The following DOCK3 variants were observed in gnomAD, a reference collection of about 807,000 sequenced individuals.
The protein encoded by DOCK3 is dedicator of cytokinesis protein 3.
Under a neutral mutation model 265.6 loss-of-function variants are expected in DOCK3, and 60 were observed. The observed-to-expected ratio is 0.23, with a 90% CI of 0.18 to 0.28. The LOEUF (loss-of-function observed/expected upper bound fraction) is 0.28. Ranked by LOEUF, DOCK3 falls within the 10% of genes least tolerant of loss-of-function variation. The pLI, the probability that DOCK3 is intolerant of heterozygous loss-of-function variation, is 1.00. For synonymous variants in DOCK3, 881 were observed against 938.0 expected (o/e 0.94, Z 1.11); for missense variants, 1,981 against 2,594.3 (o/e 0.76, Z 5.14).
At chr3:50,681,167 G>A (rs1018953533) in intron 1 of DOCK3, among the ~76,000 whole-genome samples, 5 of 152,210 alleles carry the variant, frequency 3.3e-5, no homozygotes, top group Middle Eastern at 3.4e-3. Flanking sequence ...GTTTTATCAT[G>A]CAGTATTAGA....
intron 4 of DOCK3, among the ~76,000 whole-genome samples, chr3:50,913,770 T>G (rs1412087434): frequency 6.6e-6 from 1 of 152,070 alleles, no homozygotes; most frequent in Non-Finnish European, 1.5e-5. Flanking sequence ...GCAAGTTCCC[T>G]CTCTTCAGTG....
At chr3:50,946,309 A>G (rs2076426295) in intron 5 of DOCK3, among the ~76,000 whole-genome samples, 1 of 152,102 alleles carries the variant, frequency 6.6e-6, no homozygotes, top group South Asian at 2.1e-4. Flanking sequence ...TCAACTTTTT[A>G]ATCTTTGGAA....
intron 5 of DOCK3, among the ~76,000 whole-genome samples, chr3:50,958,927 T>C (rs2076806420): frequency 1.3e-5 from 2 of 152,222 alleles, no homozygotes; most frequent in Admixed American, 6.5e-5. Context: ...GCAATTTACC[T>C]ACCCATAAAA....
chr3:50,894,365 C>G (rs1449270328), intron 4 of DOCK3, among the ~76,000 whole-genome samples: 1 of 152,038 alleles, frequency 6.6e-6, no homozygotes, highest in Non-Finnish European at 1.5e-5. Context: ...CAGTACCCAG[C>G]AAAACTGTCC....
At chr3:50,765,525 C>T (rs552221025) in intron 1 of DOCK3, among the ~76,000 whole-genome samples, 3 of 152,122 alleles carry the variant, frequency 2.0e-5, no homozygotes, top group South Asian at 4.2e-4. Context: ...AGGGAGAAAG[C>T]TCTACTCTCT....
chr3:51,150,303 A>AT (rs781121333), intron 10 of DOCK3, among the ~76,000 whole-genome samples: 21 of 151,800 alleles, frequency 1.4e-4, no homozygotes, highest in Non-Finnish European at 2.2e-4. Context: ...GGATTCATTG[A>AT]TTTTTTGAAG....
At chr3:51,249,216 C>T (rs1448859094) in intron 22 of DOCK3, among the ~76,000 whole-genome samples, 13 of 139,884 alleles carry the variant, frequency 9.3e-5, no homozygotes, top group African/African-American at 2.4e-4. Context: ...GTCAGCCCCC[C>T]GCCCGGCCAG....
intron 37 of DOCK3, among the ~76,000 whole-genome samples, chr3:51,341,021 G>C (rs1260523898): frequency 6.6e-6 from 1 of 152,214 alleles, no homozygotes; most frequent in Non-Finnish European, 1.5e-5. Flanking sequence ...TGGAAGGAAG[G>C]TGTCTACCAG....
At chr3:50,801,824 T>G (rs529524364) in intron 2 of DOCK3, among the ~76,000 whole-genome samples, 1 of 152,338 alleles carries the variant, frequency 6.6e-6, no homozygotes, top group East Asian at 1.9e-4. Context: ...TTATTGTATT[T>G]GGATCTATTT....
chr3:51,014,953 A>G (rs1041392945), intron 5 of DOCK3, among the ~76,000 whole-genome samples: 3 of 152,138 alleles, frequency 2.0e-5, no homozygotes, highest in Non-Finnish European at 4.4e-5. Context: ...CACTGTTGAC[A>G]TATAGGAATG....
Position 51,336,161 on chromosome 3 carries a change from TA to T in DOCK3, c.3612-2196del, listed in dbSNP as rs112209170. ...TCTAGAATTACCTGAACCTGTTATG[TA>T]AGACTCAATTTTAGACTGGCAAAAC... On this transcript the variant is annotated intron_variant, in intron 35 of 52. Transcript: ENST00000266037. 9.9e-4 allele frequency among the ~76,000 whole-genome samples: 151 copies of T among 152,288 alleles called. 2 individuals are homozygous for T. Among genetic ancestry groups the T allele is most frequent in the East Asian group, 4.0e-3 (21 of 5,192 alleles).
At chr3:50,827,651 T>C (rs2044846989) in intron 2 of DOCK3, among the ~76,000 whole-genome samples, 1 of 152,050 alleles carries the variant, frequency 6.6e-6, no homozygotes, top group African/African-American at 2.4e-5. Flanking sequence ...TTGGAAGTAA[T>C]GGCAAAAACC....
At position 50,750,671 on chromosome 3, in the gene DOCK3, G is replaced by A. The variant is rs552849480; in HGVS notation, c.38-28004G>A. On this transcript the variant is annotated intron_variant, in intron 1 of 52. Transcript: ENST00000266037. ...GCAGTGCTTCACTTGCTTTGCATGA[G>A]GTAGTGCTAAAATAATAGTTAATTA... Among the ~76,000 whole-genome samples the A allele has an allele frequency of 9.9e-5, 15 of 152,244 alleles. No individual in the cohort carries two copies. In the South Asian group the frequency reaches 3.1e-3, roughly 32 times the overall value.
At chr3:51,089,169 A>C (rs2082539536) in intron 7 of DOCK3, 74 bp from the exon 8 acceptor site, 1 of 1,477,076 alleles carries the variant, frequency 6.8e-7, no homozygotes, top group Non-Finnish European at 9.3e-7. Flanking sequence ...CAGACTGCCC[A>C]GCATATAGAA....
intron 23 of DOCK3, among the ~76,000 whole-genome samples, chr3:51,264,071 C>T (rs904596959): frequency 2.0e-5 from 3 of 152,196 alleles, no homozygotes; most frequent in African/African-American, 7.2e-5. Flanking sequence ...ACCTGATAGA[C>T]ATCTGCAGAA....
intron 3 of DOCK3, among the ~76,000 whole-genome samples, chr3:50,856,070 T>A (rs929509793): frequency 3.3e-5 from 5 of 152,226 alleles, no homozygotes; most frequent in Non-Finnish European, 5.9e-5. Context: ...TCACATTTTT[T>A]AAAATCTAGT....
At position 50,761,426 on chromosome 3, in the gene DOCK3, A is replaced by T. The variant is rs979677103; in HGVS notation, c.38-17249A>T. Reference sequence around the variant, plus strand: ...AGAACACCTTAACACAATTTCGGAGATTCAGCTGCTTTGAAAGTGGGCTGC... The same window carrying T: ...AGAACACCTTAACACAATTTCGGAGTTTCAGCTGCTTTGAAAGTGGGCTGC... On this transcript the variant is annotated intron_variant, in intron 1 of 52. Coordinates refer to ENST00000266037, the MANE Select transcript of DOCK3 (RefSeq NM_004947.5). 1.2e-4 allele frequency among the ~76,000 whole-genome samples: 18 copies of T among 152,164 alleles called. 1 individual carries two copies. Among genetic ancestry groups the T allele is most frequent in the Non-Finnish European group, 2.4e-4 (16 of 68,028 alleles).
intron 9 of DOCK3, among the ~76,000 whole-genome samples, chr3:51,108,576 A>G (rs1443194759): frequency 1.3e-5 from 2 of 152,244 alleles, no homozygotes; most frequent in African/African-American, 4.8e-5. Flanking sequence ...TGCCCCAATT[A>G]AAAGGCACAG....
chr3:50,922,557 C>T (rs1462317565), intron 4 of DOCK3, among the ~76,000 whole-genome samples: 1 of 152,192 alleles, frequency 6.6e-6, no homozygotes, highest in Non-Finnish European at 1.5e-5. Context: ...GTCTGACAAG[C>T]CCCAGTGAGA....
Sources: gnomAD v4.1 joint callset for allele counts (sites outside exome capture counted in the v4.1 genomes callset) on GRCh38, gnomAD v4.1.1 for gene constraint, MANE v1.5 for transcripts, NCBI Gene and HGNC (gene_info 2026-07-23, HGNC 2026-07-21) for gene names.